The following CRACD variants were observed in gnomAD, a reference collection of about 807,000 sequenced individuals.
The protein encoded by CRACD is capping protein-inhibiting regulator of actin dynamics.
Under a neutral mutation model 106.8 loss-of-function variants are expected in CRACD, and 56 were observed. The ratio of observed to expected loss-of-function variants is 0.52; its 90% CI spans 0.42 to 0.66. The LOEUF is 0.66. Among genes scored for constraint, CRACD ranks in the 30% least tolerant of loss-of-function variants. The pLI is 0.00. For synonymous variants in CRACD, 754 were observed against 670.8 expected (o/e 1.12, Z -1.92); for missense variants, 1,730 against 1,623.2 (o/e 1.07, Z -1.13).
In CRACD at chr4:56,298,273, A is replaced by T; in HGVS notation, c.44A>T (p.Asp15Val). The T allele has an allele frequency of 6.2e-7, 1 of 1,614,092 alleles. No individual in the cohort carries two copies. The highest frequency in any genetic ancestry group is 1.1e-5 in the South Asian group (1 of 91,048). ...AFSHDSIFIP[D>V]GGAESEQTVQ... ...TCCCATGACAGTATTTTTATCCCTGATGGGGGAGCAGAAAGTGAGCAGACA... is the reference window on the plus strand; with the variant it reads ...TCCCATGACAGTATTTTTATCCCTGTTGGGGGAGCAGAAAGTGAGCAGACA... Residue 15 changes from aspartate to valine, a missense_variant, in exon 4 of 11, where the codon GAT (aspartate) becomes GTT (valine). Asp to Val is a radical substitution (Grantham distance 152, BLOSUM62 -3). Around this residue, in one of 5 missense-constraint regions of CRACD, gnomAD observed 1,620 missense variants for 1,481.6 expected, o/e 1.09. Coordinates refer to ENST00000682029, the MANE Select transcript of CRACD (RefSeq NM_001393381.1).
intron 4 of CRACD, among the ~76,000 whole-genome samples, chr4:56,298,898 A>T (rs1322421675): frequency 6.6e-6 from 1 of 152,124 alleles, no homozygotes; most frequent in Admixed American, 6.5e-5. Context: ...ATGCCACTGC[A>T]CTCCAGCCTG....
chr4:56,238,673 T>C (rs1740155110), intron 2 of CRACD, among the ~76,000 whole-genome samples: 1 of 152,250 alleles, frequency 6.6e-6, no homozygotes, highest in Admixed American at 6.5e-5. Flanking sequence ...CTCCAGATAC[T>C]GTACAGTGAT....
At chr4:56,174,881 A>G (rs1385720458) in intron 1 of CRACD, among the ~76,000 whole-genome samples, 1 of 152,224 alleles carries the variant, frequency 6.6e-6, no homozygotes. Flanking sequence ...AGGCCTCAAA[A>G]AATTTACAAT....
At chr4:56,066,446 G>C (rs1299462210) in intron 1 of CRACD, among the ~76,000 whole-genome samples, 1 of 152,170 alleles carries the variant, frequency 6.6e-6, no homozygotes, top group African/African-American at 2.4e-5. Context: ...GAGAGGCTGG[G>C]GTGGGAGGAT....
At position 56,128,397 on chromosome 4, in the gene CRACD, G is replaced by C. The variant is rs141041500; in HGVS notation, c.-335-50887G>C. Among the ~76,000 whole-genome samples the C allele has an allele frequency of 2.1e-3, 315 of 152,312 alleles. 7 individuals carry two copies. The East Asian group carries it at 0.055, about 27-fold the overall frequency. On this transcript the variant is annotated intron_variant, in intron 1 of 10. Transcript: ENST00000682029. Reference sequence around the variant, plus strand: ...TCCTCTCTCTCTCTTTGTATGAACAGTAATCCTTAGTCACTGCGAATTCTG... The same window carrying C: ...TCCTCTCTCTCTCTTTGTATGAACACTAATCCTTAGTCACTGCGAATTCTG...
chr4:56,319,899 C>T (rs1745957091), intron 8 of CRACD, among the ~76,000 whole-genome samples: 1 of 152,092 alleles, frequency 6.6e-6, no homozygotes, highest in Admixed American at 6.5e-5. Flanking sequence ...TCAGGCCAGG[C>T]ACGGTGGCTC....
At position 56,327,629 on chromosome 4, in the gene CRACD, C is replaced by A; in HGVS notation, c.3542-15C>A. The A allele has an allele frequency of 6.2e-7, 1 of 1,600,308 alleles. No homozygotes were observed. Among genetic ancestry groups the A allele is most frequent in the Non-Finnish European group, 8.5e-7 (1 of 1,172,656 alleles). ...GTGAACTTACTTTTTCCTTTTCCTT[C>A]AAAACAAAATCCAGTGGAGATCTCC... On this transcript the variant is annotated splice_polypyrimidine_tract_variant and intron_variant, in intron 10 of 10. Coordinates refer to ENST00000682029, the MANE Select transcript of CRACD (RefSeq NM_001393381.1).
Position 56,080,223 on chromosome 4 carries a change from G to A in CRACD, c.-336+30924G>A, listed in dbSNP as rs1478001155. Reference sequence around the variant, plus strand: ...AAATAAATAATCTTTTTTAAAAAACGGTGGTAAAAAAACTGAACTGTATGG... The same window carrying A: ...AAATAAATAATCTTTTTTAAAAAACAGTGGTAAAAAAACTGAACTGTATGG... On this transcript the variant is annotated intron_variant, in intron 1 of 10. Transcript: ENST00000682029. 3.3e-5 allele frequency among the ~76,000 whole-genome samples: 5 copies of A among 151,918 alleles called. No homozygotes were observed. In the East Asian group the frequency reaches 5.8e-4, roughly 18 times the overall value.
intron 2 of CRACD, among the ~76,000 whole-genome samples, chr4:56,213,059 T>C (rs1400178881): frequency 6.6e-6 from 1 of 152,204 alleles, no homozygotes; most frequent in African/African-American, 2.4e-5. Context: ...TAGCCTGTCT[T>C]GGCCATTCAG....
At chr4:56,099,291 T>C (rs935134137) in intron 1 of CRACD, among the ~76,000 whole-genome samples, 2 of 152,204 alleles carry the variant, frequency 1.3e-5, no homozygotes, top group East Asian at 3.8e-4. Flanking sequence ...GTCATGAGTA[T>C]TTGATGTTCC....
At chr4:56,308,807 G>GC in intron 5 of CRACD, 1 of 1,277,224 alleles carries the variant, frequency 7.8e-7, no homozygotes, top group Non-Finnish European at 1.0e-6. Context: ...CTAGGCAGAA[G>GC]CAACAGCCAT....
intron 1 of CRACD, among the ~76,000 whole-genome samples, chr4:56,162,200 T>A (rs917293984): frequency 4.0e-5 from 6 of 149,072 alleles, no homozygotes; most frequent in African/African-American, 7.6e-5. Flanking sequence ...AAAATTATTA[T>A]TATTTTTTTT....
chr4:56,207,647 TCTATTCATAGAGG>T (rs2109485078), intron 2 of CRACD, among the ~76,000 whole-genome samples: 1 of 151,228 alleles, frequency 6.6e-6, no homozygotes, highest in Non-Finnish European at 1.5e-5. Flanking sequence ...CTTTTTCAGG[TCTATTCATAGAGG>T]CTAAGCAAGG....
chr4:56,068,502 A>G (rs1379926723), intron 1 of CRACD, among the ~76,000 whole-genome samples: 1 of 152,096 alleles, frequency 6.6e-6, no homozygotes, highest in Admixed American at 6.6e-5. Flanking sequence ...GATCTGACAT[A>G]TTTTCTAAGG....
chr4:56,100,252 G>C (rs918942730), intron 1 of CRACD, among the ~76,000 whole-genome samples: 1 of 152,046 alleles, frequency 6.6e-6, no homozygotes, highest in South Asian at 2.1e-4. Context: ...TGCGGGGACG[G>C]GGGGGAAGGG....
rs528979818 is a variant in CRACD at position 56,181,305 on chromosome 4, G to T, written c.-189+1875G>T. ...AGGTAGAGGAAGCAGTGGGTGTAAA[G>T]GCCCTAAGGAGGGAATGCAGCTGGG... On this transcript the variant is annotated intron_variant, in intron 2 of 10. Coordinates refer to ENST00000682029, the MANE Select transcript of CRACD (RefSeq NM_001393381.1). Among the ~76,000 whole-genome samples the T allele has an allele frequency of 2.2e-4, 34 of 152,322 alleles. 1 individual carries two copies. The highest frequency in any genetic ancestry group is 8.2e-4 in the African/African-American group (34 of 41,574).
At chr4:56,247,219 TAA>T (rs1315241608) in intron 2 of CRACD, among the ~76,000 whole-genome samples, 1 of 152,142 alleles carries the variant, frequency 6.6e-6, no homozygotes, top group Non-Finnish European at 1.5e-5. Context: ...CCATATAAGC[TAA>T]GAGTTGGGGC....
At chr4:56,131,947 G>A (rs1288460174) in intron 1 of CRACD, among the ~76,000 whole-genome samples, 1 of 151,972 alleles carries the variant, frequency 6.6e-6, no homozygotes, top group East Asian at 1.9e-4. Flanking sequence ...TATATTTTTG[G>A]ATCTTTTTCC....
chr4:56,067,847 A>C (rs1371996270), intron 1 of CRACD, among the ~76,000 whole-genome samples: 1 of 152,200 alleles, frequency 6.6e-6, no homozygotes, highest in Non-Finnish European at 1.5e-5. Flanking sequence ...AAGTGCTGGG[A>C]TTACTGGTGT....
Sources: gnomAD v4.1 joint callset for allele counts (sites outside exome capture counted in the v4.1 genomes callset) on GRCh38, gnomAD v4.1.1 for gene constraint, gnomAD v4.1.1 regional missense constraint, MANE v1.5 for transcripts, NCBI Gene and HGNC (gene_info 2026-07-23, HGNC 2026-07-21) for gene names.